The following PARD3B variants were observed in gnomAD, a reference collection of about 807,000 sequenced individuals.
PARD3B encodes partitioning defective 3 homolog B.
PARD3B carries 103 observed loss-of-function variants against 130.2 expected under a neutral mutation model. The observed-to-expected ratio is 0.79, with a 90% CI of 0.67 to 0.93. The LOEUF (loss-of-function observed/expected upper bound fraction) is 0.93, where lower values mean the gene tolerates loss of function less well. Ranked by LOEUF, PARD3B falls within the 40% of genes least tolerant of loss-of-function variation. PARD3B has a pLI of 0.00. For synonymous variants in PARD3B, 583 were observed against 553.2 expected (o/e 1.05, Z -0.76); for missense variants, 1,609 against 1,499.2 (o/e 1.07, Z -1.21).
At chr2:205,108,832 G>A (rs966891480) in intron 5 of PARD3B, among the ~76,000 whole-genome samples, 8 of 151,792 alleles carry the variant, frequency 5.3e-5, no homozygotes, top group Non-Finnish European at 8.8e-5. Flanking sequence ...GTATGATGTC[G>A]GACAAGTTAT....
At chr2:204,640,471 T>C (rs2035037589) in intron 1 of PARD3B, among the ~76,000 whole-genome samples, 1 of 152,164 alleles carries the variant, frequency 6.6e-6, no homozygotes, top group Non-Finnish European at 1.5e-5. Context: ...TTGGCTGCCA[T>C]GTCTTTACCC....
chr2:205,039,169 G>C (rs1342657688), intron 3 of PARD3B, among the ~76,000 whole-genome samples: 1 of 152,028 alleles, frequency 6.6e-6, no homozygotes, highest in African/African-American at 2.4e-5. Context: ...TATACAAAAA[G>C]AGAAAATGTA....
At chr2:205,120,444 G>C (rs116320450) in intron 7 of PARD3B, among the ~76,000 whole-genome samples, 2,987 of 152,282 alleles carry the variant, frequency 0.02, 100 homozygotes, top group African/African-American at 0.068. Context: ...AGAAAGGGGG[G>C]TGCGGGGTAG....
At chr2:204,554,384 C>T (rs1284134803) in intron 1 of PARD3B, among the ~76,000 whole-genome samples, 1 of 152,046 alleles carries the variant, frequency 6.6e-6, no homozygotes, top group East Asian at 1.9e-4. Context: ...TAATCCCCAA[C>T]TCCAAATCAA....
intron 3 of PARD3B, among the ~76,000 whole-genome samples, chr2:204,999,699 G>A (rs1473313801): frequency 6.6e-6 from 1 of 152,142 alleles, no homozygotes; most frequent in Non-Finnish European, 1.5e-5. Flanking sequence ...TATTGGAACT[G>A]GAGTACTCTC....
intron 3 of PARD3B, among the ~76,000 whole-genome samples, chr2:205,039,703 C>T (rs1297788581): frequency 1.3e-5 from 2 of 152,042 alleles, no homozygotes; most frequent in African/African-American, 2.4e-5. Flanking sequence ...CTCCTGACCT[C>T]AGGTGATCCG....
chr2:205,516,343 T>C (rs1408219779), intron 21 of PARD3B, among the ~76,000 whole-genome samples: 1 of 152,158 alleles, frequency 6.6e-6, no homozygotes, highest in African/African-American at 2.4e-5. Flanking sequence ...TGTAAATTGC[T>C]TTGGCCAGTA....
At position 204,678,862 on chromosome 2, in the gene PARD3B, G is replaced by C. The variant is rs561233284; in HGVS notation, c.121-7319G>C. ...CCAGGGAGCTGCCCTCTTCTATCCAGTATTTCCCTGCCTCCTGTCGGTATC... is the reference window on the plus strand; with the variant it reads ...CCAGGGAGCTGCCCTCTTCTATCCACTATTTCCCTGCCTCCTGTCGGTATC... On this transcript the variant is annotated intron_variant, in intron 1 of 22. Coordinates refer to ENST00000406610, the MANE Select transcript of PARD3B (RefSeq NM_001302769.2). The surrounding 1 kb of genome is among the most constrained non-coding windows in gnomAD (Gnocchi z 4.2). 4.7e-4 allele frequency among the ~76,000 whole-genome samples: 72 copies of C among 152,238 alleles called. No individual in the cohort carries two copies. Among genetic ancestry groups the C allele is most frequent in the African/African-American group, 1.7e-3 (71 of 41,526 alleles).
intron 14 of PARD3B, among the ~76,000 whole-genome samples, chr2:205,189,867 A>AG (rs74453891): frequency 9.2e-5 from 14 of 151,888 alleles, no homozygotes; most frequent in Non-Finnish European, 1.9e-4. Flanking sequence ...ACCGCAGCAA[A>AG]GGGGGGGCCC....
chr2:204,846,043 A>G (rs2044451216), intron 2 of PARD3B, among the ~76,000 whole-genome samples: 1 of 152,112 alleles, frequency 6.6e-6, no homozygotes, highest in Non-Finnish European at 1.5e-5. Context: ...TATGAAGAAA[A>G]GTTTCTATAA....
intron 2 of PARD3B, among the ~76,000 whole-genome samples, chr2:204,813,030 G>T (rs1446906995): frequency 6.6e-6 from 1 of 152,122 alleles, no homozygotes; most frequent in African/African-American, 2.4e-5. Flanking sequence ...AATTATTTGT[G>T]TATAAATCTT....
chr2:205,567,658 A>C (rs1472306120), intron 22 of PARD3B, among the ~76,000 whole-genome samples: 3 of 151,834 alleles, frequency 2.0e-5, no homozygotes, highest in Non-Finnish European at 4.4e-5. Context: ...AGTAACAAGG[A>C]ATAGTGGACA....
intron 20 of PARD3B, among the ~76,000 whole-genome samples, chr2:205,497,203 G>GAAAA (rs35346665): frequency 1.5e-5 from 2 of 129,116 alleles, no homozygotes; most frequent in Non-Finnish European, 3.3e-5. Flanking sequence ...CATACATATT[G>GAAAA]AAAAAAAAAA....
chr2:204,792,901 ATT>A (rs143691383), intron 2 of PARD3B, among the ~76,000 whole-genome samples: 16 of 144,058 alleles, frequency 1.1e-4, no homozygotes, highest in African/African-American at 2.8e-4. Context: ...GGCTTTACCT[ATT>A]TTTTTTTTTT....
chr2:205,568,643 C>T lies in PARD3B; in HGVS notation c.3260+15240C>T, dbSNP rs1399790370. On this transcript the variant is annotated intron_variant, in intron 22 of 22. Coordinates refer to ENST00000406610, the MANE Select transcript of PARD3B (RefSeq NM_001302769.2). The surrounding 1 kb of genome is among the most constrained non-coding windows in gnomAD (Gnocchi z 5.3). ...TTACCTAGGATCGTGGCTATACACA[C>T]AGGCGAGGTAAAGTTCTACATGGAT... 6.6e-6 allele frequency among the ~76,000 whole-genome samples: 1 copy of T among 152,178 alleles called. No homozygotes were observed. The highest frequency in any genetic ancestry group is 1.5e-5 in the Non-Finnish European group (1 of 68,032).
At chr2:205,047,491 T>C (rs1045837547) in intron 3 of PARD3B, 90 bp from the exon 4 acceptor site, 3 of 707,676 alleles carry the variant, frequency 4.2e-6, no homozygotes, top group Non-Finnish European at 7.0e-6. Context: ...AAAAGCCTGT[T>C]GTAAACCTTT....
chr2:204,792,163 G>A (rs1261374831), intron 2 of PARD3B, among the ~76,000 whole-genome samples: 1 of 151,978 alleles, frequency 6.6e-6, no homozygotes, highest in Non-Finnish European at 1.5e-5. Context: ...TTACCAATTT[G>A]GTAAATAGAA....
Position 205,021,652 on chromosome 2 carries a change from A to C in PARD3B, c.395-25929A>C, listed in dbSNP as rs978476. Among the ~76,000 whole-genome samples, 35,992 of 90,572 alleles carry C rather than the reference A, an allele frequency of 0.4. 4,547 individuals are homozygous for C. The highest frequency in any genetic ancestry group is 0.56 in the South Asian group (1,949 of 3,488). The allele number at this position is 90,572 out of a possible 152,430, so 59.4% of individuals were successfully genotyped here. On this transcript the variant is annotated intron_variant, in intron 3 of 22. Transcript: ENST00000406610. The surrounding 1 kb of genome is among the most constrained non-coding windows in gnomAD (Gnocchi z 4.5). Reference sequence around the variant, plus strand: ...TCTTTCTCTCTCTCTCTCTCTCTCTATATATATATATATAGTTAATCTTTT... The same window carrying C: ...TCTTTCTCTCTCTCTCTCTCTCTCTCTATATATATATATAGTTAATCTTTT...
At chr2:205,578,016 G>A (rs1430195409) in intron 22 of PARD3B, among the ~76,000 whole-genome samples, 2 of 152,164 alleles carry the variant, frequency 1.3e-5, no homozygotes, top group Non-Finnish European at 2.9e-5. Flanking sequence ...AGTAAATATG[G>A]AGCTCGCCTC....
Sources: allele counts gnomAD v4.1 joint callset (sites outside exome capture counted in the v4.1 genomes callset), GRCh38; gene constraint gnomAD v4.1.1; non-coding constraint Gnocchi (gnomAD v3.1); transcripts MANE v1.5; gene names NCBI Gene and HGNC (gene_info 2026-07-23, HGNC 2026-07-21).